Variants in RTKN2 observed in about 807,000 individuals in gnomAD.
RTKN2 encodes the protein rhotekin-2.
In RTKN2, 69 loss-of-function variants were observed where a neutral mutation model predicts 71.5. That is an observed-to-expected ratio of 0.96 (90% CI 0.79 to 1.18). The LOEUF (loss-of-function observed/expected upper bound fraction) is 1.18. Among genes scored for constraint, RTKN2 ranks in the 50% most tolerant of loss-of-function variants. The pLI, the probability that RTKN2 is intolerant of heterozygous loss-of-function variation, is 0.00. For synonymous variants in RTKN2, 236 were observed against 236.5 expected (o/e 1.00, Z 0.02); for missense variants, 724 against 719.7 (o/e 1.01, Z -0.07).
chr10:62,221,317 A>G (rs1008101887), intron 7 of RTKN2, among the ~76,000 whole-genome samples: 1 of 152,034 alleles, frequency 6.6e-6, no homozygotes, highest in African/African-American at 2.4e-5. Context: ...AAAAGGATGT[A>G]TAACCTTAAT....
At chr10:62,217,095 T>C (rs763331787) in intron 9 of RTKN2, 23 bp downstream of exon 9, 3 of 1,540,922 alleles carry the variant, frequency 1.9e-6, no homozygotes, top group Non-Finnish European at 1.7e-6. Context: ...TATATTTTTT[T>C]CTCAAAATAG....
At chr10:62,233,713 C>G (rs573408535) in intron 6 of RTKN2, among the ~76,000 whole-genome samples, 1 of 152,216 alleles carries the variant, frequency 6.6e-6, no homozygotes, top group Admixed American at 6.5e-5. Flanking sequence ...ATTTTTTTAG[C>G]ATGAGCATCA....
At chr10:62,265,334 G>A (rs568738613) in intron 1 of RTKN2, among the ~76,000 whole-genome samples, 1 of 152,244 alleles carries the variant, frequency 6.6e-6, no homozygotes, top group East Asian at 1.9e-4. Context: ...GGGCAGAGTT[G>A]AGCAACTTCA....
Position 62,194,602 on chromosome 10 carries a change from C to A in RTKN2, c.*3306G>T. The A allele has an allele frequency of 1.0e-6, 1 of 985,388 alleles. No individual in the cohort carries two copies. Among genetic ancestry groups the A allele is most frequent in the Middle Eastern group, 5.2e-4 (1 of 1,914 alleles). 61.0% of individuals were successfully genotyped at this position (985,388 alleles called of 1,614,324 possible). A position where few individuals can be genotyped will look rare whatever the true frequency, so the allele number is the denominator to read the frequency against. ...ACTCTGTCCATGTAGTATAGTTGTG[C>A]CTCATTCGTGGTAACACAGGTGATT... On this transcript the variant is annotated 3_prime_UTR_variant, in exon 12 of 12. Coordinates refer to ENST00000373789, the MANE Select transcript of RTKN2 (RefSeq NM_145307.4).
intron 9 of RTKN2, among the ~76,000 whole-genome samples, chr10:62,210,046 T>G (rs374071015): frequency 2.0e-5 from 3 of 152,298 alleles, no homozygotes; most frequent in East Asian, 3.9e-4. Context: ...CACACTGTCT[T>G]TCACAATGGC....
At chr10:62,210,753 T>A (rs752816245) in intron 9 of RTKN2, among the ~76,000 whole-genome samples, 2 of 152,094 alleles carry the variant, frequency 1.3e-5, no homozygotes, top group Non-Finnish European at 2.9e-5. Context: ...ATGATTAGTA[T>A]CAGTTTAATA....
chr10:62,238,455 AAAAC>A (rs1842303907), intron 5 of RTKN2: 1 of 152,136 alleles, frequency 6.6e-6, no homozygotes, highest in Non-Finnish European at 1.5e-5. Context: ...CTCCATGATC[AAAAC>A]AAACAATAGC....
At chr10:62,203,552 T>G (rs1841490353) in intron 10 of RTKN2, among the ~76,000 whole-genome samples, 4 of 152,078 alleles carry the variant, frequency 2.6e-5, no homozygotes, top group East Asian at 3.9e-4. Flanking sequence ...ACCATGTTGG[T>G]CAGGCTGGTC....
chr10:62,195,776 G>T lies in RTKN2; in HGVS notation c.*2132C>A. On this transcript the variant is annotated 3_prime_UTR_variant, in exon 12 of 12. Coordinates refer to ENST00000373789, the MANE Select transcript of RTKN2 (RefSeq NM_145307.4). ...TTCAAAGACTTGTAACATACAGTAA[G>T]CTGGGCCCCCCAGAAAGAGACCGAA... 5 of 985,452 alleles carry T rather than the reference G, an allele frequency of 5.1e-6. No homozygotes were observed. Among genetic ancestry groups the T allele is most frequent in the Non-Finnish European group, 4.8e-6 (4 of 829,974 alleles). The allele number at this position is 985,452 out of a possible 1,614,324, so 61.0% of individuals were successfully genotyped here.
intron 11 of RTKN2, 87 bp from the exon 12 acceptor site, chr10:62,198,530 G>T: frequency 9.9e-7 from 1 of 1,014,056 alleles, no homozygotes; most frequent in Non-Finnish European, 1.4e-6. Context: ...AAACTAGTAT[G>T]CTATATACAA....
chr10:62,226,078 G>A (rs185641261), intron 6 of RTKN2, among the ~76,000 whole-genome samples: 4 of 152,078 alleles, frequency 2.6e-5, no homozygotes, highest in Admixed American at 1.3e-4. Flanking sequence ...CACTGCGCCC[G>A]GCAACAACTG....
At chr10:62,209,251 C>T (rs1247997509) in intron 9 of RTKN2, among the ~76,000 whole-genome samples, 1 of 151,554 alleles carries the variant, frequency 6.6e-6, no homozygotes. Context: ...CTGGGCAACA[C>T]GAGCGAAACT....
intron 7 of RTKN2, among the ~76,000 whole-genome samples, chr10:62,218,812 C>T (rs559814875): frequency 1.6e-3 from 124 of 76,740 alleles, no homozygotes; most frequent in African/African-American, 5.3e-3. Flanking sequence ...ATGGTGAAAC[C>T]CTGTCTCTAC....
chr10:62,220,257 C>T (rs1841877476), intron 7 of RTKN2, among the ~76,000 whole-genome samples: 1 of 152,154 alleles, frequency 6.6e-6, no homozygotes, highest in African/African-American at 2.4e-5. Context: ...TTCATTAATA[C>T]ATTTTAAAGC....
intron 6 of RTKN2, among the ~76,000 whole-genome samples, chr10:62,223,988 A>T (rs1423141472): frequency 6.6e-6 from 1 of 152,152 alleles, no homozygotes; most frequent in African/African-American, 2.4e-5. Flanking sequence ...ATACACATAC[A>T]TATGCATAAT....
chr10:62,239,555 A>T, intron 5 of RTKN2, 93 bp downstream of exon 5: 1 of 576,806 alleles, frequency 1.7e-6, no homozygotes, highest in Non-Finnish European at 3.0e-6. Flanking sequence ...ATTTAAACAT[A>T]AAATGAATCC....
At position 62,236,192 on chromosome 10, in the gene RTKN2, G is replaced by C. The variant is rs145539217; in HGVS notation, c.560C>G (p.Thr187Ser). 7 of 1,611,156 alleles carry C rather than the reference G, an allele frequency of 4.3e-6. No individual in the cohort carries two copies. In the African/African-American group the frequency reaches 9.4e-5, roughly 22 times the overall value. Residue 187 changes from threonine to serine, a missense_variant, in exon 6 of 12, where the codon ACC becomes AGC. Transcript: ENST00000373789. Reference protein sequence around the residue: ...YSCCTEESSITNTPKKLAKKL... With the variant: ...YSCCTEESSISNTPKKLAKKL... ...CTTAGCTAGCTTTTTTGGTGTGTTG[G>C]TTATAGAAGATTCTTCTGTACAGCA...
At chr10:62,244,172 T>C (rs1421845247) in intron 3 of RTKN2, among the ~76,000 whole-genome samples, 1 of 152,132 alleles carries the variant, frequency 6.6e-6, no homozygotes, top group Non-Finnish European at 1.5e-5. Context: ...TTCATCCCAA[T>C]ATCAAGAAAA....
intron 2 of RTKN2, among the ~76,000 whole-genome samples, chr10:62,250,890 C>T (rs1480122264): frequency 6.6e-6 from 1 of 152,202 alleles, no homozygotes; most frequent in East Asian, 1.9e-4. Context: ...CTCGGCCTCC[C>T]AAAGGGCTGG....
Sources: gnomAD v4.1 joint callset for allele counts (sites outside exome capture counted in the v4.1 genomes callset) on GRCh38, gnomAD v4.1.1 for gene constraint, MANE v1.5 for transcripts, NCBI Gene and HGNC (gene_info 2026-07-23, HGNC 2026-07-21) for gene names.